The following ZNF536 variants were observed in gnomAD, a reference collection of about 807,000 sequenced individuals.
ZNF536 encodes the protein zinc finger protein 536.
A neutral mutation model predicts 84.5 loss-of-function variants in ZNF536; 13 were observed. The observed-to-expected ratio is 0.15, with a 90% CI of 0.10 to 0.24. The LOEUF (loss-of-function observed/expected upper bound fraction) is 0.24, where lower values mean the gene tolerates loss of function less well. ZNF536 is among the 10% of genes least tolerant of loss of function. The pLI is 1.00. For synonymous variants in ZNF536, 811 were observed against 742.5 expected (o/e 1.09, Z -1.50); for missense variants, 1,536 against 1,747.5 (o/e 0.88, Z 2.16).
chr19:30,396,643 G>A (rs567749822), intron 1 of ZNF536, among the ~76,000 whole-genome samples: 1 of 147,934 alleles, frequency 6.8e-6, no homozygotes, highest in South Asian at 2.2e-4. Flanking sequence ...CGCCCAGGCT[G>A]GAGTGCCACT....
At chr19:30,384,668 T>G (rs533661901) in intron 1 of ZNF536, among the ~76,000 whole-genome samples, 37 of 152,122 alleles carry the variant, frequency 2.4e-4, no homozygotes, top group Admixed American at 5.9e-4. Flanking sequence ...GTCATCCACT[T>G]CTTGCACCCT....
At chr19:30,350,937 G>A (rs1170977010) in intron 2 of ZNF536, among the ~76,000 whole-genome samples, 3 of 152,190 alleles carry the variant, frequency 2.0e-5, no homozygotes, top group Non-Finnish European at 4.4e-5. Context: ...CAGCTCAGTG[G>A]CTGGAACGTG....
intron 2 of ZNF536, among the ~76,000 whole-genome samples, chr19:30,476,983 CT>C (rs538778776): frequency 6.6e-6 from 1 of 151,752 alleles, no homozygotes; most frequent in Non-Finnish European, 1.5e-5. Flanking sequence ...GAGATGGGGT[CT>C]TGCTATGTTG....
At chr19:30,507,367 A>AG (rs900168151) in intron 2 of ZNF536, among the ~76,000 whole-genome samples, 16 of 152,180 alleles carry the variant, frequency 1.1e-4, no homozygotes, top group Non-Finnish European at 2.1e-4. Context: ...AAACCAAAAA[A>AG]CAAAAAACAA....
chr19:30,470,066 G>A (rs2053568342), intron 2 of ZNF536, among the ~76,000 whole-genome samples: 1 of 152,242 alleles, frequency 6.6e-6, no homozygotes, highest in Non-Finnish European at 1.5e-5. Flanking sequence ...AGCTGCCGTG[G>A]ACAGCCTCCT....
intron 1 of ZNF536, among the ~76,000 whole-genome samples, chr19:30,661,679 T>C (rs1162545448): frequency 6.6e-6 from 1 of 152,086 alleles, no homozygotes; most frequent in African/African-American, 2.4e-5. Flanking sequence ...AGAAAACAAC[T>C]GACAAGCCCA....
chr19:30,235,836 C>T (rs2023452735), intron 1 of ZNF536, among the ~76,000 whole-genome samples: 1 of 152,216 alleles, frequency 6.6e-6, no homozygotes, highest in African/African-American at 2.4e-5. Context: ...TTTTGCTTCC[C>T]CGGCCAGGGC....
chr19:30,331,292 TAAAAAAAAAAAAA>T (rs11324495), intron 2 of ZNF536, among the ~76,000 whole-genome samples: 8 of 41,738 alleles, frequency 1.9e-4, no homozygotes, highest in Admixed American at 8.8e-4. Context: ...CCCTGTATCT[TAAAAAAAAAAAAA>T]AAAAAAAAAA....
chr19:30,586,543 CCTT>C (rs892454603), intron 1 of ZNF536, among the ~76,000 whole-genome samples: 6 of 152,222 alleles, frequency 3.9e-5, no homozygotes, highest in African/African-American at 1.4e-4. Context: ...TTTCTGCCTT[CCTT>C]TCCCCTTCTG....
At chr19:30,425,689 C>T (rs1219321715) in intron 1 of ZNF536, among the ~76,000 whole-genome samples, 3 of 152,192 alleles carry the variant, frequency 2.0e-5, no homozygotes, top group Admixed American at 6.5e-5. Flanking sequence ...TTATCACTCT[C>T]GTTGGCCTGG....
intron 1 of ZNF536, among the ~76,000 whole-genome samples, chr19:30,614,289 G>A (rs2048204125): frequency 6.6e-6 from 1 of 152,096 alleles, no homozygotes; most frequent in Non-Finnish European, 1.5e-5. Flanking sequence ...TAATAATTGT[G>A]GAGATTTCCT....
chr19:30,484,034 C>T (rs572670246), intron 2 of ZNF536, among the ~76,000 whole-genome samples: 71 of 152,154 alleles, frequency 4.7e-4, no homozygotes, highest in African/African-American at 1.6e-3. Flanking sequence ...AAGTCATCCC[C>T]CTGACCCCAA....
At chr19:30,376,695 C>A (rs2048831167) in intron 1 of ZNF536, among the ~76,000 whole-genome samples, 1 of 152,210 alleles carries the variant, frequency 6.6e-6, no homozygotes, top group Non-Finnish European at 1.5e-5. Flanking sequence ...TTTCCTGTGA[C>A]TCTCAGCTCC....
At chr19:30,257,137 C>T (rs2024954138) in intron 1 of ZNF536, among the ~76,000 whole-genome samples, 1 of 152,190 alleles carries the variant, frequency 6.6e-6, no homozygotes, top group East Asian at 1.9e-4. Flanking sequence ...CTCCTTGAGA[C>T]ACTCCTGGCG....
chr19:30,705,548 C>T (rs1441135609), intron 1 of ZNF536, among the ~76,000 whole-genome samples: 1 of 152,122 alleles, frequency 6.6e-6, no homozygotes, highest in Non-Finnish European at 1.5e-5. Context: ...TGTATCTCAG[C>T]TCTCTCATCT....
chr19:30,422,257 C>G (rs2050994345), intron 1 of ZNF536, among the ~76,000 whole-genome samples: 1 of 152,114 alleles, frequency 6.6e-6, no homozygotes, highest in Non-Finnish European at 1.5e-5. Context: ...CTCCTGAAGA[C>G]AAGACATATT....
chr19:30,363,551 C>T (rs762257682), intron 3 of ZNF536, among the ~76,000 whole-genome samples: 15 of 152,204 alleles, frequency 9.9e-5, no homozygotes, highest in East Asian at 5.8e-4. Context: ...CAGCTACAGA[C>T]GGGAAGAACC....
At chr19:30,660,136 G>T (rs181156815) in intron 1 of ZNF536, among the ~76,000 whole-genome samples, 3 of 152,316 alleles carry the variant, frequency 2.0e-5, no homozygotes, top group East Asian at 3.9e-4. Context: ...AGAAACAATT[G>T]TTGTTTTCTT....
At chr19:30,687,405 C>T (rs888444011) in intron 1 of ZNF536, among the ~76,000 whole-genome samples, 9 of 152,166 alleles carry the variant, frequency 5.9e-5, no homozygotes, top group Non-Finnish European at 4.4e-5. Context: ...ATCAAAGGGG[C>T]GTTCTGCTGC....
Sources: allele counts gnomAD v4.1 joint callset (sites outside exome capture counted in the v4.1 genomes callset), GRCh38; gene constraint gnomAD v4.1.1; transcripts MANE v1.5; gene names NCBI Gene and HGNC (gene_info 2026-07-23, HGNC 2026-07-21).